The following NEB variants were observed in gnomAD, a reference collection of about 807,000 sequenced individuals.
The protein encoded by NEB is nebulin.
Under a neutral mutation model 952.2 loss-of-function variants are expected in NEB, and 512 were observed. The observed-to-expected ratio is 0.54, with a 90% CI of 0.50 to 0.58. NEB has a LOEUF of 0.58. Among genes scored for constraint, NEB ranks in the 20% least tolerant of loss-of-function variants. The pLI, the probability that NEB is intolerant of heterozygous loss-of-function variation, is 0.00. For synonymous variants in NEB, 2,900 were observed against 3,149.8 expected, an observed-to-expected ratio of 0.92 and a Z score of 2.66; for missense variants, 8,428 against 9,231.1, an observed-to-expected ratio of 0.91 and a Z score of 3.56.
Position 151,694,319 on chromosome 2 carries a change from T to G in NEB, c.1896+4A>C. The G allele has an allele frequency of 6.2e-7, 1 of 1,611,362 alleles. No homozygotes were observed. Among genetic ancestry groups the G allele is most frequent in the Non-Finnish European group, 8.5e-7 (1 of 1,177,576 alleles). ...AAATAGGGGTGAATTACAAAGAAAC[T>G]CACATCACTCTGGTTTTTGGCCACC... On this transcript the variant is annotated splice_donor_region_variant and intron_variant, in intron 20 of 181. Transcript: ENST00000397345.
At chr2:151,714,587 T>C (rs549421094) in intron 10 of NEB, among the ~76,000 whole-genome samples, 3 of 152,204 alleles carry the variant, frequency 2.0e-5, no homozygotes, top group African/African-American at 7.2e-5. Flanking sequence ...TTAATCTGCC[T>C]TTTGCAAGCT....
At chr2:151,649,968 TTTGGGTGAC>T (rs2099012538) in intron 54 of NEB, among the ~76,000 whole-genome samples, 199 bp downstream of exon 54, 1 of 152,212 alleles carries the variant, frequency 6.6e-6, no homozygotes, top group Admixed American at 6.5e-5. Context: ...ATAAATAAGC[TTTGGGTGAC>T]AAAAACTGAC....
intron 105 of NEB, among the ~76,000 whole-genome samples, chr2:151,579,020 G>A (rs1393581765): frequency 7.1e-6 from 1 of 141,562 alleles, no homozygotes; most frequent in East Asian, 2.2e-4. Flanking sequence ...GGCGGAGGTT[G>A]CAGTGGGCTG....
chr2:151,497,413 C>A (rs1415291983), intron 171 of NEB: 1 of 975,518 alleles, frequency 1.0e-6, no homozygotes, highest in Non-Finnish European at 1.2e-6. Flanking sequence ...ATTGAAAATA[C>A]CAGATGAAAT....
In NEB at chr2:151,617,361, T is replaced by C. The variant is rs1448725511; in HGVS notation, c.11181+3A>G. On this transcript the variant is annotated splice_donor_region_variant and intron_variant, in intron 75 of 181. Transcript: ENST00000397345. ...TTCATTACAAGATCAACAGTTTACT[T>C]ACATCACTGTAGTTTATTCGGTTGA... 5 of 1,530,516 alleles carry C rather than the reference T, an allele frequency of 3.3e-6. No individual in the cohort carries two copies. Among genetic ancestry groups the C allele is most frequent in the Non-Finnish European group, 4.4e-6 (5 of 1,124,648 alleles). The allele number at this position is 1,530,516 out of a possible 1,614,324, so 94.8% of individuals were successfully genotyped here.
chr2:151,629,148 C>T (rs1412970123), intron 68 of NEB, among the ~76,000 whole-genome samples: 2 of 152,204 alleles, frequency 1.3e-5, no homozygotes, highest in African/African-American at 4.8e-5. Flanking sequence ...GTTCTATCAG[C>T]TCTTCTTCTG....
intron 133 of NEB, 45 bp downstream of exon 133, chr2:151,547,384 C>T (rs1048111728): frequency 1.2e-5 from 17 of 1,440,190 alleles, no homozygotes; most frequent in Middle Eastern, 1.8e-4. Flanking sequence ...AGCAAGCCTG[C>T]GTCTTGGTAA....
intron 160 of NEB, 103 bp downstream of exon 160, chr2:151,513,477 T>C: frequency 1.3e-6 from 1 of 794,658 alleles, no homozygotes; most frequent in Non-Finnish European, 2.0e-6. Flanking sequence ...TGCCATTGTA[T>C]GCATGTGACT....
At chr2:151,494,332 C>T (rs2058672546) in intron 173 of NEB, 79 bp from the exon 174 acceptor site, 1 of 970,762 alleles carries the variant, frequency 1.0e-6, no homozygotes, top group Non-Finnish European at 1.6e-6. Context: ...GTACAGATAA[C>T]TTTTGATTAT....
rs781637539 is a variant in NEB, at chr2:151,729,640, A to G, written c.53T>C (p.Val18Ala). ...EEVVEYYTEE[V>A]VYEEVPGETI... The stretch of plus-strand genomic sequence containing the variant: ...CTCTCCCGGCACCTCTTCGTAAACC[A>G]CTTCTTCTGTGTAGTACTGTAAATA... The change falls in exon 4 of 182, where the codon GTG (valine) becomes GCG (alanine). Residue 18 changes from valine (V) to alanine (A), a missense_variant. Val to Ala is a moderately conservative substitution (Grantham distance 64). Transcript: ENST00000397345. The G allele has an allele frequency of 1.9e-6, 3 of 1,613,246 alleles. No individual in the cohort carries two copies. The highest frequency in any genetic ancestry group is 3.3e-5 in the Admixed American group (2 of 59,960).
At chr2:151,648,451 T>A (rs959121277) in intron 54 of NEB, among the ~76,000 whole-genome samples, 1 of 152,176 alleles carries the variant, frequency 6.6e-6, no homozygotes, top group Non-Finnish European at 1.5e-5. Flanking sequence ...CTTTAAAAAA[T>A]TTTTTTATTT....
intron 181 of NEB, among the ~76,000 whole-genome samples, chr2:151,488,641 G>T (rs1274834533): frequency 6.9e-6 from 1 of 144,796 alleles, no homozygotes; most frequent in Non-Finnish European, 1.5e-5. Context: ...GTGAGACCCT[G>T]TCTCTAAAAA....
rs897900225 is a variant in NEB, at chr2:151,633,892, T to C, written c.9176A>G (p.Lys3059Arg). ...IGARNIEDDP[K>R]MMWSMHVAKI... Reference sequence around the variant, plus strand: ...GGCTACGTGCATGGACCACATCATCTTGGGGTCATCTTCAATGTTCCGGGC... The same window carrying C: ...GGCTACGTGCATGGACCACATCATCCTGGGGTCATCTTCAATGTTCCGGGC... Residue 3059 changes from lysine to arginine, a missense_variant, in exon 65 of 182, where the codon AAG (lysine) becomes AGG (arginine). This residue lies in a region of NEB where 1,772 missense variants were observed against 1,960.3 expected (regional missense o/e 0.90). Coordinates refer to ENST00000397345, the MANE Select transcript of NEB (RefSeq NM_001164508.2). 21 of 1,613,926 alleles carry C rather than the reference T, an allele frequency of 1.3e-5. No individual in the cohort carries two copies. Among genetic ancestry groups the C allele is most frequent in the Non-Finnish European group, 1.8e-5 (21 of 1,179,904 alleles).
intron 131 of NEB, among the ~76,000 whole-genome samples, chr2:151,548,066 A>G (rs779357211): frequency 2.0e-5 from 3 of 152,188 alleles, no homozygotes; most frequent in Non-Finnish European, 4.4e-5. Flanking sequence ...CAAAAGAAGA[A>G]ATTATTTCTT....
At chr2:151,497,856 G>T (rs1329353462) in intron 170 of NEB, 138 bp from the exon 171 acceptor site, 1 of 1,512,948 alleles carries the variant, frequency 6.6e-7, no homozygotes, top group African/African-American at 1.4e-5. Context: ...GACTACTTTA[G>T]TGGAAGCTGT....
At chr2:151,651,063 G>A (rs1057502634) in intron 52 of NEB, among the ~76,000 whole-genome samples, 178 bp from the exon 53 acceptor site, 1 of 151,920 alleles carries the variant, frequency 6.6e-6, no homozygotes, top group Non-Finnish European at 1.5e-5. Flanking sequence ...GGGATTTACA[G>A]GTACATGCCA....
At chr2:151,618,962 T>C (rs1349591884) in intron 73 of NEB, among the ~76,000 whole-genome samples, 2 of 152,228 alleles carry the variant, frequency 1.3e-5, no homozygotes, top group African/African-American at 4.8e-5. Context: ...TATTTTACTC[T>C]CAATAGGACA....
chr2:151,674,697 CT>C, intron 35 of NEB, 113 bp from the exon 36 acceptor site: 1 of 746,896 alleles, frequency 1.3e-6, no homozygotes, highest in South Asian at 1.6e-5. Context: ...GCACATACTG[CT>C]TTAGGAAATC....
intron 29 of NEB, 24 bp from the exon 30 acceptor site, chr2:151,680,852 AAAAC>A: frequency 6.5e-7 from 1 of 1,539,354 alleles, no homozygotes; most frequent in Non-Finnish European, 9.0e-7. Flanking sequence ...CAAAAAGAGA[AAAAC>A]AATCTTGTTT....
Sources: allele counts gnomAD v4.1 joint callset (sites outside exome capture counted in the v4.1 genomes callset), GRCh38; gene constraint gnomAD v4.1.1; regional missense constraint gnomAD v4.1.1; transcripts MANE v1.5; gene names NCBI Gene and HGNC (gene_info 2026-07-23, HGNC 2026-07-21).